Variants in CMPK1 observed in about 807,000 individuals in gnomAD.
CMPK1 encodes the protein cytidine/uridine monophosphate kinase 1.
Under a neutral mutation model 25.7 loss-of-function variants are expected in CMPK1, and 10 were observed. The ratio of observed to expected loss-of-function variants is 0.39; its 90% CI spans 0.24 to 0.66. The LOEUF (loss-of-function observed/expected upper bound fraction) is 0.66, where lower values mean the gene tolerates loss of function less well. Ranked by LOEUF, CMPK1 falls within the 30% of genes least tolerant of loss-of-function variation. The pLI, the probability that CMPK1 is intolerant of heterozygous loss-of-function variation, is 0.48. For synonymous variants in CMPK1, 106 were observed against 101.5 expected (o/e 1.04, Z -0.27); for missense variants, 199 against 280.5 (o/e 0.71, Z 2.08).
At chr1:47,336,520 T>C (rs1206360080) in intron 1 of CMPK1, among the ~76,000 whole-genome samples, 2 of 152,076 alleles carry the variant, frequency 1.3e-5, no homozygotes, top group Non-Finnish European at 2.9e-5. Flanking sequence ...ATTGGTGGGT[T>C]TTGTTGTTGT....
intron 1 of CMPK1, among the ~76,000 whole-genome samples, chr1:47,366,540 A>G (rs1348836169): frequency 1.3e-5 from 2 of 152,160 alleles, no homozygotes; most frequent in Non-Finnish European, 2.9e-5. Context: ...AAGCATTATT[A>G]GCAAAATCCT....
intron 3 of CMPK1, chr1:47,373,326 A>G (rs1646688864): frequency 2.9e-6 from 1 of 349,736 alleles, no homozygotes. Flanking sequence ...TTTTCAAAAT[A>G]ACAAGAATCA....
At chr1:47,342,988 ATTTT>A (rs71053106) in intron 1 of CMPK1, among the ~76,000 whole-genome samples, 2 of 126,646 alleles carry the variant, frequency 1.6e-5, no homozygotes, top group African/African-American at 2.8e-5. Context: ...AACCATTTGT[ATTTT>A]TTTTTTTTTT....
chr1:47,333,916 C>T lies in CMPK1; in HGVS notation c.-30C>T. On this transcript the variant is annotated 5_prime_UTR_variant, in exon 1 of 6. Transcript: ENST00000371873. ...CCCGCGCCGCGCCGGCCGCTGTCAG[C>T]TCCCTCAGCGTCCGGCCGAGGCGCG... The T allele has an allele frequency of 7.8e-7, 1 of 1,286,488 alleles. No homozygotes were observed. Among genetic ancestry groups the T allele is most frequent in the Non-Finnish European group, 1.0e-6 (1 of 1,003,954 alleles). The allele number at this position is 1,286,488 out of a possible 1,614,324, so 79.7% of individuals were successfully genotyped here.
At position 47,342,698 on chromosome 1, in the gene CMPK1, G is replaced by C. The variant is rs1466594962; in HGVS notation, c.171+8582G>C. 2.2e-5 allele frequency among the ~76,000 whole-genome samples: 3 copies of C among 136,758 alleles called. No individual in the cohort carries two copies. The East Asian group carries it at 6.3e-4, about 29-fold the overall frequency. 89.7% of individuals were successfully genotyped at this position (136,758 alleles called of 152,430 possible). On this transcript the variant is annotated intron_variant, in intron 1 of 5. Transcript: ENST00000371873. ...AGGGTCTCACTCTGTTGCCCAGCCT[G>C]GAGTGCAATGGTGCCATCTCAGCTC...
chr1:47,369,485 T>G (rs1252485146), intron 2 of CMPK1, among the ~76,000 whole-genome samples: 1 of 152,200 alleles, frequency 6.6e-6, no homozygotes, highest in East Asian at 1.9e-4. Context: ...TTCCCAACAT[T>G]CAGACAGTTA....
chr1:47,361,623 G>A (rs1254561502), intron 1 of CMPK1, among the ~76,000 whole-genome samples: 1 of 149,182 alleles, frequency 6.7e-6, no homozygotes, highest in Non-Finnish European at 1.5e-5. Context: ...TTGCAAGAGT[G>A]TGATTTTTTC....
At chr1:47,346,744 T>C (rs1646487567) in intron 1 of CMPK1, among the ~76,000 whole-genome samples, 1 of 152,044 alleles carries the variant, frequency 6.6e-6, no homozygotes, top group African/African-American at 2.4e-5. Flanking sequence ...CCTCAGGTGA[T>C]TGCCTGCCTT....
chr1:47,343,367 C>T (rs1034978824), intron 1 of CMPK1, among the ~76,000 whole-genome samples: 6 of 149,010 alleles, frequency 4.0e-5, no homozygotes, highest in African/African-American at 2.5e-5. Context: ...GGAGCCAAGG[C>T]GGGTGGATCA....
At chr1:47,342,944 G>A (rs74352537) in intron 1 of CMPK1, among the ~76,000 whole-genome samples, 26,362 of 150,240 alleles carry the variant, frequency 0.18, 2,944 homozygotes, top group East Asian at 0.53. Context: ...CACTGCGCCC[G>A]GCAATTCTTT....
At chr1:47,335,636 CAA>C (rs34856862) in intron 1 of CMPK1, among the ~76,000 whole-genome samples, 3,214 of 75,350 alleles carry the variant, frequency 0.043, 50 homozygotes, top group African/African-American at 0.094. Flanking sequence ...AACTCCGTCT[CAA>C]AAAAAAAAAA....
chr1:47,354,357 G>A (rs916450382), intron 1 of CMPK1, among the ~76,000 whole-genome samples: 8 of 146,924 alleles, frequency 5.4e-5, no homozygotes, highest in African/African-American at 2.0e-4. Flanking sequence ...TATGGATAGT[G>A]CATACTTTTT....
chr1:47,366,905 T>C (rs1205352223), intron 1 of CMPK1, among the ~76,000 whole-genome samples: 1 of 152,092 alleles, frequency 6.6e-6, no homozygotes, highest in South Asian at 2.1e-4. Flanking sequence ...TTTGTATTTT[T>C]AGTAGAGACA....
At chr1:47,366,398 A>G (rs1158915572) in intron 1 of CMPK1, among the ~76,000 whole-genome samples, 1 of 152,238 alleles carries the variant, frequency 6.6e-6, no homozygotes, top group East Asian at 1.9e-4. Context: ...AACTGGCTTC[A>G]GTGATTACTT....
At chr1:47,346,724 G>A (rs955325589) in intron 1 of CMPK1, among the ~76,000 whole-genome samples, 3 of 151,918 alleles carry the variant, frequency 2.0e-5, no homozygotes, top group Non-Finnish European at 2.9e-5. Flanking sequence ...GGCTGGTCTC[G>A]AACCTCAGAC....
At chr1:47,370,149 C>T (rs1646668386) in intron 2 of CMPK1, among the ~76,000 whole-genome samples, 2 of 150,526 alleles carry the variant, frequency 1.3e-5, no homozygotes, top group Non-Finnish European at 3.0e-5. Flanking sequence ...CATCTCCTGA[C>T]CTCACGATCC....
intron 1 of CMPK1, among the ~76,000 whole-genome samples, chr1:47,338,031 G>A (rs1292266104): frequency 6.6e-6 from 1 of 152,016 alleles, no homozygotes; most frequent in Admixed American, 6.6e-5. Context: ...AATAATGTAA[G>A]TTTTGGAGGT....
chr1:47,345,062 G>A (rs1015620582), intron 1 of CMPK1, among the ~76,000 whole-genome samples: 2 of 151,894 alleles, frequency 1.3e-5, no homozygotes, highest in African/African-American at 2.4e-5. Flanking sequence ...GATTACAAGC[G>A]TGCACCACCA....
intron 1 of CMPK1, among the ~76,000 whole-genome samples, chr1:47,351,443 T>C (rs1426927079): frequency 6.6e-6 from 1 of 152,228 alleles, no homozygotes. Flanking sequence ...GGCTCAATAA[T>C]GTTCCATTAT....
Sources: gnomAD v4.1 joint callset for allele counts (sites outside exome capture counted in the v4.1 genomes callset) on GRCh38, gnomAD v4.1.1 for gene constraint, MANE v1.5 for transcripts, NCBI Gene and HGNC (gene_info 2026-07-23, HGNC 2026-07-21) for gene names.